Variants in HBD observed in about 807,000 individuals in gnomAD.
HBD encodes hemoglobin subunit delta, also known as delta globin.
Under a neutral mutation model 9.2 loss-of-function variants are expected in HBD, and 11 were observed. That is an observed-to-expected ratio of 1.20 (90% CI 0.76 to 1.99). HBD has a LOEUF of 1.99. Among genes scored for constraint, HBD ranks in the 30% most tolerant of loss-of-function variants. The pLI is 0.00. For synonymous variants in HBD, 83 were observed against 69.4 expected, an observed-to-expected ratio of 1.20 and a Z score of -0.98; for missense variants, 189 against 174.3, an observed-to-expected ratio of 1.08 and a Z score of -0.47.
Position 5,234,014 on chromosome 11 carries a change from G to T in HBD, c.292C>A (p.His98Asn), listed in dbSNP as rs1413289179. The T allele has an allele frequency of 2.5e-6, 4 of 1,614,064 alleles. No homozygotes were observed. Among genetic ancestry groups the T allele is most frequent in the East Asian group, 4.5e-5 (2 of 44,884 alleles). ...QLSELHCDKL[H>N]VDPENFRLLG... The stretch of plus-strand genomic sequence containing the variant: ...ACCCTGAAGTTCTCAGGATCCACGT[G>T]CAGCTTGTCACAGTGCAGCTCACTC... Residue 98 changes from histidine to asparagine, a missense_variant, in exon 2 of 3, where the codon CAC (histidine) becomes AAC (asparagine). His to Asn is a moderately conservative substitution (Grantham distance 68). Coordinates refer to ENST00000650601, the MANE Select transcript of HBD (RefSeq NM_000519.4).
intron 2 of HBD, 131 bp downstream of exon 2, chr11:5,233,858 CAA>C: frequency 2.7e-6 from 2 of 738,906 alleles, no homozygotes; most frequent in Non-Finnish European, 4.5e-6. Context: ...AAAAAATTAA[CAA>C]AATTTTAGAA....
In HBD at chr11:5,233,098, G is replaced by A; in HGVS notation, c.316-6C>T. 1 of 1,613,926 alleles carries A rather than the reference G, an allele frequency of 6.2e-7. No homozygotes were observed. ...ACCAGCACATTGCCCAAGAGCTGCG[G>A]AGAAGAGGTAGGCAGATACATGCAT... On this transcript the variant is annotated splice_region_variant and splice_polypyrimidine_tract_variant and intron_variant, in intron 2 of 2. Coordinates refer to ENST00000650601, the MANE Select transcript of HBD (RefSeq NM_000519.4).
chr11:5,233,305 A>G (rs1847694273), intron 2 of HBD, among the ~76,000 whole-genome samples: 1 of 152,214 alleles, frequency 6.6e-6, no homozygotes, highest in African/African-American at 2.4e-5. Flanking sequence ...CTTAACTAGC[A>G]TGTAGTCTAT....
In HBD at chr11:5,234,456, T is replaced by C. The variant is rs747597296; in HGVS notation, c.-23A>G. The C allele has an allele frequency of 1.9e-6, 3 of 1,538,576 alleles. No individual in the cohort carries two copies. The highest frequency in any genetic ancestry group is 2.7e-6 in the Non-Finnish European group (3 of 1,111,078). ...CATGGTGTCTGTTTGAGGTTGCTAGTGAACACTGTTATGTCAGAAGAAAGT... is the reference window on the plus strand; with the variant it reads ...CATGGTGTCTGTTTGAGGTTGCTAGCGAACACTGTTATGTCAGAAGAAAGT... On this transcript the variant is annotated 5_prime_UTR_variant, in exon 1 of 3. Coordinates refer to ENST00000650601, the MANE Select transcript of HBD (RefSeq NM_000519.4).
chr11:5,232,884 G>C lies in HBD; in HGVS notation c.*80C>G. On this transcript the variant is annotated 3_prime_UTR_variant, in exon 3 of 3. Coordinates refer to ENST00000650601, the MANE Select transcript of HBD (RefSeq NM_000519.4). ...AGGCAGAAGCCATACCCTTGAAGTAGGCATTGTGTTCCCAAGTTCAGAAAA... is the reference window on the plus strand; with the variant it reads ...AGGCAGAAGCCATACCCTTGAAGTACGCATTGTGTTCCCAAGTTCAGAAAA... 6.2e-7 allele frequency: 1 copy of C among 1,612,438 alleles called. No homozygotes were observed. Among genetic ancestry groups the C allele is most frequent in the Admixed American group, 1.7e-5 (1 of 59,990 alleles).
In HBD at chr11:5,234,413, C is replaced by T; in HGVS notation, c.21G>A (p.Glu7=). The change falls in exon 1 of 3, where the codon GAG becomes GAA. Residue 7 remains glutamate, a synonymous_variant. Transcript: ENST00000650601. ...ACAGGGCATTGACAGCAGTCTTCTC[C>T]TCAGGAGTCAGATGCACCATGGTGT... MVHLTP[E]EKTAVNALWG... is the part of the protein sequence containing the mutation. 6.2e-7 allele frequency: 1 copy of T among 1,613,638 alleles called. No individual in the cohort carries two copies.
chr11:5,233,900 C>CA lies in HBD; in HGVS notation c.315+90dup, dbSNP rs1257398160. The CA allele has an allele frequency of 3.7e-6, 4 of 1,075,916 alleles. No individual in the cohort carries two copies. In the Admixed American group the frequency reaches 7.6e-5, roughly 20 times the overall value. 66.6% of individuals were successfully genotyped at this position (1,075,916 alleles called of 1,614,324 possible). The stretch of plus-strand genomic sequence containing the variant: ...TAAATGATAAAATATAGTAAAATGA[C>CA]AAAAATGTGGGAGAAGAGCAGGTAG... On this transcript the variant is annotated intron_variant, in intron 2 of 2. Transcript: ENST00000650601.
chr11:5,234,377 C>T lies in HBD; in HGVS notation c.57G>A (p.Val19=). Residue 19 remains valine, a synonymous_variant, in exon 1 of 3, where the codon GTG becomes GTA. Coordinates refer to ENST00000650601, the MANE Select transcript of HBD (RefSeq NM_000519.4). The part of the protein sequence containing the change: ...KTAVNALWGK[V]NVDAVGGEAL... ...CCTCACCACCAACTGCATCCACGTT[C>T]ACTTTGCCCCACAGGGCATTGACAG... 1 of 1,614,080 alleles carries T rather than the reference C, an allele frequency of 6.2e-7. No homozygotes were observed. The highest frequency in any genetic ancestry group is 8.5e-7 in the Non-Finnish European group (1 of 1,179,938).
At position 5,234,459 on chromosome 11, in the gene HBD, A is replaced by G. The variant is rs769446735; in HGVS notation, c.-26T>C. 6.6e-7 allele frequency: 1 copy of G among 1,525,536 alleles called. No homozygotes were observed. The allele number at this position is 1,525,536 out of a possible 1,614,324, so 94.5% of individuals were successfully genotyped here. On this transcript the variant is annotated 5_prime_UTR_variant, in exon 1 of 3. Transcript: ENST00000650601. The stretch of plus-strand genomic sequence containing the variant: ...GGTGTCTGTTTGAGGTTGCTAGTGA[A>G]CACTGTTATGTCAGAAGAAAGTGTA...
At position 5,232,949 on chromosome 11, in the gene HBD, A is replaced by T; in HGVS notation, c.*15T>A. ...ATAGGGTCTTCTTATGGTTATCAGG[A>T]AACAGTCCAGGATCTCAATGGTACT... On this transcript the variant is annotated 3_prime_UTR_variant, in exon 3 of 3. Coordinates refer to ENST00000650601, the MANE Select transcript of HBD (RefSeq NM_000519.4). The T allele has an allele frequency of 1.9e-6, 3 of 1,614,078 alleles. No individual in the cohort carries two copies. The highest frequency in any genetic ancestry group is 2.5e-6 in the Non-Finnish European group (3 of 1,179,946).
Position 5,233,966 on chromosome 11 carries a change from AAAGTG to A in HBD, c.315+20_315+24del. Reference sequence around the variant, plus strand: ...TGTAAGATTAGAAAGTAAAAAGAGAAAAGTGAAGCATCTCCTGGACTCACCCTGAA... The same window carrying A: ...TGTAAGATTAGAAAGTAAAAAGAGAAAAGCATCTCCTGGACTCACCCTGAA... On this transcript the variant is annotated intron_variant, in intron 2 of 2. Transcript: ENST00000650601. 6.2e-7 allele frequency: 1 copy of A among 1,602,338 alleles called. No homozygotes were observed. Among genetic ancestry groups the A allele is most frequent in the Non-Finnish European group, 8.6e-7 (1 of 1,169,278 alleles).
At position 5,233,075 on chromosome 11, in the gene HBD, C is replaced by G; in HGVS notation, c.333G>C (p.Leu111=). The G allele has an allele frequency of 6.2e-7, 1 of 1,613,996 alleles. No individual in the cohort carries two copies. Among genetic ancestry groups the G allele is most frequent in the Non-Finnish European group, 8.5e-7 (1 of 1,179,924 alleles). The change falls in exon 3 of 3, where the codon CTG becomes CTC. Residue 111 remains leucine, a synonymous_variant. Transcript: ENST00000650601. ...CAAAGTTGCGGGCCAGCACACACAC[C>G]AGCACATTGCCCAAGAGCTGCGGAG... The part of the protein sequence containing the change: ...PENFRLLGNV[L]VCVLARNFGK...
At chr11:5,234,235 A>G (rs936096840) in intron 1 of HBD, 22 bp from the exon 2 acceptor site, 2 of 1,609,384 alleles carry the variant, frequency 1.2e-6, no homozygotes. Context: ...AAAACAGCCC[A>G]AGGGACAGAG....
At chr11:5,233,189 A>G in intron 2 of HBD, 97 bp from the exon 3 acceptor site, 1 of 1,299,388 alleles carries the variant, frequency 7.7e-7, no homozygotes, top group Non-Finnish European at 1.1e-6. Context: ...TTTTCTGCCC[A>G]AATCTTAGAC....
At position 5,234,476 on chromosome 11, in the gene HBD, G is replaced by T. The variant is rs1564879456; in HGVS notation, c.-43C>A. ...GCTAGTGAACACTGTTATGTCAGAA[G>T]AAAGTGTAAGCAACAGTCGACTCTG... On this transcript the variant is annotated 5_prime_UTR_variant, in exon 1 of 3. Coordinates refer to ENST00000650601, the MANE Select transcript of HBD (RefSeq NM_000519.4). 5 of 1,416,384 alleles carry T rather than the reference G, an allele frequency of 3.5e-6. No homozygotes were observed. Among genetic ancestry groups the T allele is most frequent in the Non-Finnish European group, 5.0e-6 (5 of 999,698 alleles). 87.7% of individuals were successfully genotyped at this position (1,416,384 alleles called of 1,614,324 possible).
Position 5,233,792 on chromosome 11 carries a change from T to C in HBD, c.315+199A>G, listed in dbSNP as rs181334077. ...GGGTTGGGAGAGAAAGACAGGATAT[T>C]AAATAATTTAAAATAGCAAGATTGT... is the stretch of plus-strand genomic sequence containing the variant. On this transcript the variant is annotated intron_variant, in intron 2 of 2. Coordinates refer to ENST00000650601, the MANE Select transcript of HBD (RefSeq NM_000519.4). Among the ~76,000 whole-genome samples, 502 of 151,982 alleles carry C rather than the reference T, an allele frequency of 3.3e-3. 1 individual carries two copies. Among genetic ancestry groups the C allele is most frequent in the Middle Eastern group, 0.017 (5 of 294 alleles).
In HBD at chr11:5,234,080, G is replaced by C. The variant is rs34430836; in HGVS notation, c.226C>G (p.Leu76Val). 6 of 1,614,058 alleles carry C rather than the reference G, an allele frequency of 3.7e-6. No individual in the cohort carries two copies. The African/African-American group carries it at 6.7e-5, about 18-fold the overall frequency. ...CCCTTGAGGTTGTCCAGGTGAGCCA[G>C]GCCATCACTAAAGGCACCTAGCACC... ...KKVLGAFSDG[L>V]AHLDNLKGTF... Residue 76 changes from leucine to valine, a missense_variant, in exon 2 of 3, where the codon CTG becomes GTG. By Grantham distance (32) the Leu-to-Val change is conservative (BLOSUM62 1). Coordinates refer to ENST00000650601, the MANE Select transcript of HBD (RefSeq NM_000519.4).
At chr11:5,233,857 A>C (rs1338280741) in intron 2 of HBD, 134 bp downstream of exon 2, 2 of 730,074 alleles carry the variant, frequency 2.7e-6, no homozygotes, top group African/African-American at 3.6e-5. Flanking sequence ...TAAAAAATTA[A>C]CAAAATTTTA....
chr11:5,233,644 G>C (rs1847697914), intron 2 of HBD, among the ~76,000 whole-genome samples: 1 of 152,060 alleles, frequency 6.6e-6, no homozygotes, highest in South Asian at 2.1e-4. Context: ...TCTCATCTTT[G>C]AGTTGGAGCC....
Sources: allele counts gnomAD v4.1 joint callset (sites outside exome capture counted in the v4.1 genomes callset), GRCh38; gene constraint gnomAD v4.1.1; transcripts MANE v1.5; gene names NCBI Gene and HGNC (gene_info 2026-07-23, HGNC 2026-07-21).